BTBD3: variants seen among roughly 807,000 people sequenced by gnomAD.
The protein encoded by BTBD3 is BTB/POZ domain-containing protein 3.
BTBD3 carries 14 observed loss-of-function variants against 41.6 expected under a neutral mutation model. That is an observed-to-expected ratio of 0.34 (90% CI 0.22 to 0.53). BTBD3 has a LOEUF of 0.53. Among genes scored for constraint, BTBD3 ranks in the 20% least tolerant of loss-of-function variants. The pLI, the probability that BTBD3 is intolerant of heterozygous loss-of-function variation, is 0.95. For missense variants in BTBD3, 426 were observed against 654.7 expected, an observed-to-expected ratio of 0.65 and a Z score of 3.81; for synonymous variants, 249 against 233.7, an observed-to-expected ratio of 1.07 and a Z score of -0.60.
At chr20:11,890,994 G>GT (rs2056747855) in intron 1 of BTBD3, 2 of 981,140 alleles carry the variant, frequency 2.0e-6, no homozygotes, top group Non-Finnish European at 2.4e-6. Context: ...CGGCGCCTCC[G>GT]CGCGTGCGCA....
At position 11,891,176 on chromosome 20, in the gene BTBD3, G is replaced by GA. The variant is rs1600221921; in HGVS notation, c.-126+223dup. 2.5e-5 allele frequency among the ~76,000 whole-genome samples: 3 copies of GA among 122,298 alleles called. No homozygotes were observed. In the East Asian group the frequency reaches 8.8e-4, roughly 36 times the overall value. The allele number at this position is 122,298 out of a possible 152,430, so 80.2% of individuals were successfully genotyped here. A position where few individuals can be genotyped will look rare whatever the true frequency, so the allele number is the denominator to read the frequency against. On this transcript the variant is annotated intron_variant, in intron 1 of 4. Coordinates refer to the BTBD3 transcript ENST00000254977. ...CGCTGGCCGCGCGGGCTGGCTTTCC[G>GA]AGGGGGGGGGGGTCCCAGTGGGGCG... is the stretch of plus-strand genomic sequence containing the variant.
chr20:11,905,728 T>G (rs1381650064), intron 1 of BTBD3, among the ~76,000 whole-genome samples: 2 of 152,170 alleles, frequency 1.3e-5, no homozygotes, highest in Non-Finnish European at 2.9e-5. Context: ...GTAATAAAAG[T>G]TACAGAGCCA....
chr20:11,892,249 A>G (rs756616291), intron 1 of BTBD3, among the ~76,000 whole-genome samples: 1 of 152,044 alleles, frequency 6.6e-6, no homozygotes, highest in Non-Finnish European at 1.5e-5. Context: ...ATTTCTGTTG[A>G]GGTTACTAAG....
chr20:11,905,694 G>T (rs976513517), intron 1 of BTBD3, among the ~76,000 whole-genome samples: 2 of 152,164 alleles, frequency 1.3e-5, no homozygotes, highest in African/African-American at 2.4e-5. Context: ...CCTTCAGATG[G>T]CTTAGAAACC....
intron 3 of BTBD3, among the ~76,000 whole-genome samples, chr20:11,920,871 G>A (rs540906383): frequency 2.0e-5 from 3 of 152,256 alleles, no homozygotes; most frequent in Non-Finnish European, 4.4e-5. Context: ...AATAAGTACT[G>A]TAGTTAGTTC....
At chr20:11,916,569 A>C (rs1197110154), upstream of BTBD3, among the ~76,000 whole-genome samples, 6 of 152,202 alleles carry the variant, frequency 3.9e-5, no homozygotes, top group Admixed American at 2.0e-4. Context: ...TAACAACAAT[A>C]AAGAGGATAT....
At chr20:11,917,342 C>G (rs2122288813), upstream of BTBD3, among the ~76,000 whole-genome samples, 1 of 152,228 alleles carries the variant, frequency 6.6e-6, no homozygotes, top group Non-Finnish European at 1.5e-5. Flanking sequence ...ATTATAGAAG[C>G]TAGAAAACAT....
intron 3 of BTBD3, 93 bp from the exon 4 acceptor site, chr20:11,922,541 T>A: frequency 2.7e-6 from 3 of 1,097,058 alleles, no homozygotes; most frequent in Non-Finnish European, 4.0e-6. Context: ...TAAGATGATG[T>A]TCTCAGAACA....
intron 3 of BTBD3, among the ~76,000 whole-genome samples, chr20:11,921,251 C>T (rs2056967749): frequency 1.3e-5 from 2 of 152,214 alleles, no homozygotes; most frequent in Admixed American, 1.3e-4. Context: ...AGAATTACAT[C>T]TCACCTAAGT....
chr20:11,904,857 G>A (rs1232484), intron 1 of BTBD3, among the ~76,000 whole-genome samples: 110,978 of 152,030 alleles, frequency 0.73, 40,950 homozygotes, highest in Non-Finnish European at 0.78. Flanking sequence ...AAACCATATC[G>A]ATGAACGTTT....
At chr20:11,918,709 A>T in intron 1 of BTBD3, 108 bp downstream of exon 1, 1 of 1,247,772 alleles carries the variant, frequency 8.0e-7, no homozygotes, top group South Asian at 1.6e-5. Context: ...CTCTTTTCCC[A>T]GAAGCTTTTT....
chr20:11,923,214 C>A lies in BTBD3; in HGVS notation c.1117C>A (p.Gln373Lys). Residue 373 changes from glutamine (Q) to lysine (K), a missense_variant, in exon 4 of 4, where the codon CAG becomes AAG. This residue lies in a region of BTBD3 where 321 missense variants were observed against 534.8 expected (regional missense o/e 0.60). Coordinates refer to ENST00000378226, the MANE Select transcript of BTBD3 (RefSeq NM_014962.4). This position sits in a 1 kb window ranked among gnomAD's most constrained non-coding sequence, Gnocchi z 5.3. The stretch of plus-strand genomic sequence containing the variant: ...TAAAGCCCGTAAGGGCCTTGTCCCC[C>A]AGCGCTGTCACCGTTTCCAGTCGTG... Reference protein sequence around the residue: ...VSKARKGLVPQRCHRFQSCAY... With the variant: ...VSKARKGLVPKRCHRFQSCAY... The A allele has an allele frequency of 6.2e-7, 1 of 1,614,244 alleles. No individual in the cohort carries two copies. Among genetic ancestry groups the A allele is most frequent in the Middle Eastern group, 1.6e-4 (1 of 6,062 alleles).
intron 1 of BTBD3, among the ~76,000 whole-genome samples, chr20:11,896,545 C>T (rs1181996681): frequency 6.6e-6 from 1 of 152,130 alleles, no homozygotes; most frequent in Non-Finnish European, 1.5e-5. Context: ...TGATAATGTA[C>T]ACACTTTTAT....
chr20:11,891,987 C>T (rs1188380514), intron 1 of BTBD3, among the ~76,000 whole-genome samples: 1 of 152,048 alleles, frequency 6.6e-6, no homozygotes, highest in African/African-American at 2.4e-5. Flanking sequence ...TTTAAAGATC[C>T]CCAGGTGATC....
At position 11,924,732 on chromosome 20, in the gene BTBD3, T is replaced by C. The variant is rs2057004586; in HGVS notation, c.*1066T>C. On this transcript the variant is annotated 3_prime_UTR_variant, in exon 4 of 4. Transcript: ENST00000378226. ...ATTTTTTTAAATTTGAAATATACTT[T>C]ACCTGATCCACTTTGATTGTATACT... 6.6e-6 allele frequency: 1 copy of C among 152,656 alleles called. No homozygotes were observed. The highest frequency in any genetic ancestry group is 2.1e-4 in the South Asian group (1 of 4,836). 9.5% of individuals were successfully genotyped at this position (152,656 alleles called of 1,614,324 possible).
chr20:11,899,206 G>A (rs1040853389), intron 1 of BTBD3, among the ~76,000 whole-genome samples: 5 of 152,050 alleles, frequency 3.3e-5, no homozygotes, highest in African/African-American at 1.2e-4. Context: ...TAACTTCTAA[G>A]GTGATTTTGA....
In BTBD3 at chr20:11,923,812, T is replaced by C. The variant is rs1600250530; in HGVS notation, c.*146T>C. ...GGCAGGTTCTAATTTCTTTTAACCT[T>C]TTAATTATGTACAGGCAAAAATGCA... On this transcript the variant is annotated 3_prime_UTR_variant, in exon 4 of 4. Coordinates refer to ENST00000378226, the MANE Select transcript of BTBD3 (RefSeq NM_014962.4). This position sits in a 1 kb window ranked among gnomAD's most constrained non-coding sequence, Gnocchi z 5.3. The C allele has an allele frequency of 2.6e-6, 2 of 779,454 alleles. No individual in the cohort carries two copies. The highest frequency in any genetic ancestry group is 5.4e-5 in the East Asian group (2 of 37,240). The allele number at this position is 779,454 out of a possible 1,614,324, so 48.3% of individuals were successfully genotyped here. A position where few individuals can be genotyped will look rare whatever the true frequency, so the allele number is the denominator to read the frequency against.
chr20:11,912,855 A>G (rs560778363), intron 1 of BTBD3, among the ~76,000 whole-genome samples: 13 of 152,354 alleles, frequency 8.5e-5, no homozygotes, highest in South Asian at 2.1e-4. Flanking sequence ...TAGCTATGCT[A>G]TGCTTCCAGC....
intron 1 of BTBD3, among the ~76,000 whole-genome samples, chr20:11,902,561 T>C (rs559389474): frequency 2.9e-4 from 44 of 152,250 alleles, no homozygotes; most frequent in African/African-American, 9.9e-4. Context: ...AAGCAATATA[T>C]TGGGGAGAGA....
Sources: gnomAD v4.1 joint callset for allele counts (sites outside exome capture counted in the v4.1 genomes callset) on GRCh38, gnomAD v4.1.1 for gene constraint, gnomAD v4.1.1 regional missense constraint, Gnocchi (gnomAD v3.1) non-coding constraint, MANE v1.5 for transcripts, NCBI Gene and HGNC (gene_info 2026-07-23, HGNC 2026-07-21) for gene names.